Variants in ADAM18 observed in about 807,000 individuals in gnomAD.
ADAM18 encodes disintegrin and metalloproteinase domain-containing protein 18.
Under a neutral mutation model 94.4 loss-of-function variants are expected in ADAM18, and 117 were observed. The observed-to-expected ratio is 1.24, with a 90% CI of 1.07 to 1.45. The LOEUF is 1.45. Ranked by LOEUF, ADAM18 falls within the 40% of genes most tolerant of loss-of-function variation. The pLI is 0.00. For missense variants in ADAM18, 936 were observed against 880.0 expected (o/e 1.06, Z -0.81); for synonymous variants, 327 against 291.6 (o/e 1.12, Z -1.24).
At chr8:39,607,824 TC>T (rs1254550053) in intron 3 of ADAM18, among the ~76,000 whole-genome samples, 4 of 146,344 alleles carry the variant, frequency 2.7e-5, no homozygotes, top group Non-Finnish European at 4.5e-5. Context: ...TTTTTTTTTT[TC>T]CCCCTAGCTA....
At chr8:39,611,913 T>G (rs2129578537) in intron 6 of ADAM18, among the ~76,000 whole-genome samples, 1 of 151,928 alleles carries the variant, frequency 6.6e-6, no homozygotes, top group African/African-American at 2.4e-5. Flanking sequence ...ACAGACACAC[T>G]AAAAGTGGAA....
At chr8:39,624,146 C>A (rs1465363605) in intron 6 of ADAM18, among the ~76,000 whole-genome samples, 1 of 152,104 alleles carries the variant, frequency 6.6e-6, no homozygotes, top group African/African-American at 2.4e-5. Flanking sequence ...TGTGCAGAAG[C>A]TTTTTAGTTT....
chr8:39,703,937 C>T (rs1822156786), intron 17 of ADAM18, among the ~76,000 whole-genome samples: 1 of 152,092 alleles, frequency 6.6e-6, no homozygotes, highest in Non-Finnish European at 1.5e-5. Flanking sequence ...ATAAACACCT[C>T]TATGCACATG....
At chr8:39,690,886 C>CAAT in intron 16 of ADAM18, among the ~76,000 whole-genome samples, 1 of 152,238 alleles carries the variant, frequency 6.6e-6, no homozygotes, top group East Asian at 1.9e-4. Context: ...TTCACTCTAT[C>CAAT]AAAGAGACAC....
At chr8:39,703,020 C>G (rs954507524) in intron 17 of ADAM18, among the ~76,000 whole-genome samples, 1 of 152,082 alleles carries the variant, frequency 6.6e-6, no homozygotes, top group African/African-American at 2.4e-5. Context: ...TTCTGTGAAG[C>G]AAGTCAATGT....
At chr8:39,695,602 T>C (rs571846749) in intron 17 of ADAM18, among the ~76,000 whole-genome samples, 97 of 151,302 alleles carry the variant, frequency 6.4e-4, no homozygotes, top group Non-Finnish European at 1.6e-4. Flanking sequence ...CCCCTTCCCC[T>C]AGCCCCTGGT....
At chr8:39,644,403 G>A (rs1820319883) in intron 10 of ADAM18, among the ~76,000 whole-genome samples, 1 of 152,056 alleles carries the variant, frequency 6.6e-6, no homozygotes. Context: ...TCATTCTCCT[G>A]CCTTCTCCCA....
At chr8:39,705,831 G>A (rs893823771) in intron 17 of ADAM18, among the ~76,000 whole-genome samples, 8 of 152,060 alleles carry the variant, frequency 5.3e-5, no homozygotes, top group African/African-American at 1.9e-4. Context: ...TGAATATTAT[G>A]AGTCTAATTT....
intron 6 of ADAM18, among the ~76,000 whole-genome samples, chr8:39,618,493 C>G (rs927466316): frequency 2.0e-5 from 3 of 151,440 alleles, no homozygotes; most frequent in African/African-American, 7.4e-5. Context: ...TCTAACAGAG[C>G]CTTAAACAGA....
Position 39,605,323 on chromosome 8 carries a change from G to A in ADAM18, c.133-984G>A, listed in dbSNP as rs976976530. 9.9e-5 allele frequency among the ~76,000 whole-genome samples: 15 copies of A among 152,274 alleles called. 1 individual carries two copies. The highest frequency in any genetic ancestry group is 3.4e-3 in the Middle Eastern group (1 of 294). On this transcript the variant is annotated intron_variant, in intron 2 of 19. Transcript: ENST00000265707. Reference sequence around the variant, plus strand: ...GAAGAATTTAATGGCATCACCTGCTGTTTCTGGATGCCATCACAATAGGAT... The same window carrying A: ...GAAGAATTTAATGGCATCACCTGCTATTTCTGGATGCCATCACAATAGGAT...
chr8:39,599,319 A>G (rs1352347570), intron 2 of ADAM18, among the ~76,000 whole-genome samples: 2 of 152,228 alleles, frequency 1.3e-5, no homozygotes, highest in African/African-American at 4.8e-5. Context: ...ATTATTTTAT[A>G]CACTGTTGAA....
At chr8:39,592,548 A>G (rs1038744930) in intron 2 of ADAM18, among the ~76,000 whole-genome samples, 23 of 152,172 alleles carry the variant, frequency 1.5e-4, no homozygotes, top group African/African-American at 5.5e-4. Context: ...AGCAACATGG[A>G]GGAACTGGAG....
intron 2 of ADAM18, among the ~76,000 whole-genome samples, chr8:39,602,328 C>T (rs995841201): frequency 6.6e-5 from 10 of 152,130 alleles, no homozygotes; most frequent in African/African-American, 1.7e-4. Context: ...AATTACTCTA[C>T]GTACACACCA....
intron 18 of ADAM18, among the ~76,000 whole-genome samples, chr8:39,720,072 A>C (rs1032984867): frequency 1.4e-4 from 8 of 57,226 alleles, no homozygotes; most frequent in African/African-American, 2.9e-4. Flanking sequence ...AAATCAACAG[A>C]TGATGGCTAA....
chr8:39,616,627 T>C (rs187497789), intron 6 of ADAM18, among the ~76,000 whole-genome samples: 2 of 152,072 alleles, frequency 1.3e-5, no homozygotes, highest in African/African-American at 4.8e-5. Flanking sequence ...AACTAGACTT[T>C]AAGGAGGTAA....
intron 2 of ADAM18, among the ~76,000 whole-genome samples, chr8:39,594,372 G>A (rs1477339475): frequency 6.6e-6 from 1 of 152,070 alleles, no homozygotes; most frequent in East Asian, 1.9e-4. Flanking sequence ...ATATGAAAAG[G>A]TAAACTTTTG....
chr8:39,693,333 A>G (rs982022761), intron 17 of ADAM18, among the ~76,000 whole-genome samples: 2 of 151,508 alleles, frequency 1.3e-5, no homozygotes, highest in African/African-American at 4.8e-5. Flanking sequence ...AGAGGATATA[A>G]AATGCTACTA....
At chr8:39,626,993 G>A (rs578222627) in intron 6 of ADAM18, among the ~76,000 whole-genome samples, 12 of 151,982 alleles carry the variant, frequency 7.9e-5, no homozygotes, top group African/African-American at 1.7e-4. Context: ...TCAGGGGAGC[G>A]TTGAAGTCAT....
intron 6 of ADAM18, among the ~76,000 whole-genome samples, chr8:39,621,610 ATATT>A (rs1159412428): frequency 6.6e-6 from 1 of 152,138 alleles, no homozygotes; most frequent in African/African-American, 2.4e-5. Flanking sequence ...GATACTAAAG[ATATT>A]TATTTTTGTT....
Sources: gnomAD v4.1 joint callset for allele counts (sites outside exome capture counted in the v4.1 genomes callset) on GRCh38, gnomAD v4.1.1 for gene constraint, MANE v1.5 for transcripts, NCBI Gene and HGNC (gene_info 2026-07-23, HGNC 2026-07-21) for gene names.